Variants in GRID1 observed in about 807,000 individuals in gnomAD.
GRID1 encodes the protein glutamate receptor ionotropic, delta-1.
In GRID1, 28 loss-of-function variants were observed where a neutral mutation model predicts 98.0. The ratio of observed to expected loss-of-function variants is 0.29; its 90% CI spans 0.21 to 0.39. The LOEUF (loss-of-function observed/expected upper bound fraction) is 0.39, where lower values mean the gene tolerates loss of function less well. Ranked by LOEUF, GRID1 falls within the 10% of genes least tolerant of loss-of-function variation. The pLI, the probability that GRID1 is intolerant of heterozygous loss-of-function variation, is 1.00. For synonymous variants in GRID1, 553 were observed against 538.5 expected, an observed-to-expected ratio of 1.03 and a Z score of -0.37; for missense variants, 1,111 against 1,340.5, an observed-to-expected ratio of 0.83 and a Z score of 2.67.
rs540766250 is a variant in GRID1, at chr10:85,901,361, C to T, written c.780+14825G>A. ...TCATGGGTTCACGCCATTCTCCCACCTCAGCCTCCCGAGTAGCTGGGACTA... is the reference window on the plus strand; with the variant it reads ...TCATGGGTTCACGCCATTCTCCCACTTCAGCCTCCCGAGTAGCTGGGACTA... On this transcript the variant is annotated intron_variant, in intron 5 of 15. Transcript: ENST00000327946. Among the ~76,000 whole-genome samples the T allele has an allele frequency of 3.3e-5, 5 of 152,150 alleles. No homozygotes were observed. In the South Asian group the frequency reaches 8.3e-4, roughly 25 times the overall value.
intron 5 of GRID1, among the ~76,000 whole-genome samples, chr10:85,882,773 A>C (rs1841052570): frequency 6.6e-6 from 1 of 151,628 alleles, no homozygotes; most frequent in African/African-American, 2.4e-5. Context: ...AAAGTGTAAT[A>C]ATAATAATAT....
chr10:85,926,733 G>A (rs541901123), intron 4 of GRID1, among the ~76,000 whole-genome samples: 1 of 152,296 alleles, frequency 6.6e-6, no homozygotes, highest in Admixed American at 6.5e-5. Context: ...GGCTTCTAAG[G>A]AGACAGTGTG....
chr10:85,708,308 G>T lies in GRID1; in HGVS notation c.1997+14695C>A, dbSNP rs533369559. Among the ~76,000 whole-genome samples the T allele has an allele frequency of 5.4e-4, 82 of 151,998 alleles. 1 individual carries two copies. In the South Asian group the frequency reaches 5.8e-3, roughly 11 times the overall value. On this transcript the variant is annotated intron_variant, in intron 12 of 15. Transcript: ENST00000327946. ...AGTCCTAGCTACTCGGGAGGCTGAG[G>T]CAGGAGAATGGCGTGAGCCCAGGAG...
chr10:86,245,466 GC>G (rs1417516543), intron 2 of GRID1, among the ~76,000 whole-genome samples: 4 of 13,176 alleles, frequency 3.0e-4, no homozygotes, highest in African/African-American at 6.6e-4. Context: ...TCTACCATTC[GC>G]TTTACTCCAT....
intron 4 of GRID1, among the ~76,000 whole-genome samples, chr10:86,126,492 C>T (rs550613159): frequency 2.0e-5 from 3 of 152,062 alleles, no homozygotes; most frequent in Non-Finnish European, 4.4e-5. Context: ...AATAGGAACT[C>T]CTAGGACCAC....
intron 2 of GRID1, among the ~76,000 whole-genome samples, chr10:86,250,460 G>A (rs117824019): frequency 0.04 from 6,031 of 152,374 alleles, 237 homozygotes; most frequent in Admixed American, 0.11. Context: ...AATGGTCTCA[G>A]TAAGCAGCAG....
At chr10:85,706,417 A>G (rs1390755534) in intron 12 of GRID1, among the ~76,000 whole-genome samples, 1 of 152,216 alleles carries the variant, frequency 6.6e-6, no homozygotes, top group East Asian at 1.9e-4. Context: ...GATGTGAAGG[A>G]CCTCTTCAGG....
intron 3 of GRID1, among the ~76,000 whole-genome samples, chr10:86,175,365 A>G (rs1232757379): frequency 6.6e-6 from 1 of 151,642 alleles, no homozygotes; most frequent in African/African-American, 2.4e-5. Context: ...AGACTCCAAG[A>G]AAGTGGTGGC....
intron 6 of GRID1, among the ~76,000 whole-genome samples, chr10:85,865,928 T>TATATATATATAC (rs1554836187): frequency 1.8e-5 from 2 of 114,198 alleles, no homozygotes; most frequent in Admixed American, 1.0e-4. Flanking sequence ...TATATATATA[T>TATATATATATAC]ATATATATAT....
At chr10:85,645,740 A>C (rs1843178919) in intron 13 of GRID1, 1 of 152,232 alleles carries the variant, frequency 6.6e-6, no homozygotes, top group Non-Finnish European at 1.5e-5. Context: ...TCTGCTGTTC[A>C]ATGTGGCTAA....
intron 2 of GRID1, among the ~76,000 whole-genome samples, chr10:86,289,732 A>T (rs1434557008): frequency 2.6e-5 from 4 of 152,250 alleles, no homozygotes; most frequent in South Asian, 4.2e-4. Flanking sequence ...GGCCAGACAC[A>T]GTGGCAGCCC....
intron 8 of GRID1, among the ~76,000 whole-genome samples, chr10:85,809,623 A>G (rs937366170): frequency 3.9e-5 from 6 of 152,240 alleles, no homozygotes; most frequent in African/African-American, 1.4e-4. Flanking sequence ...TCTCCTTATA[A>G]AAAAGGACCA....
At chr10:85,823,455 AT>A (rs1324311172) in intron 8 of GRID1, among the ~76,000 whole-genome samples, 1 of 152,076 alleles carries the variant, frequency 6.6e-6, no homozygotes, top group East Asian at 1.9e-4. Context: ...AAAATTAAAA[AT>A]GCATAATGAC....
intron 3 of GRID1, among the ~76,000 whole-genome samples, chr10:86,145,563 C>T (rs72835282): frequency 1.2e-5 from 1 of 81,856 alleles, no homozygotes; most frequent in East Asian, 2.7e-4. Context: ...CACACACACA[C>T]ACACACACCC....
intron 4 of GRID1, among the ~76,000 whole-genome samples, chr10:85,966,168 G>C (rs1002733551): frequency 1.3e-5 from 2 of 152,188 alleles, no homozygotes; most frequent in African/African-American, 2.4e-5. Flanking sequence ...CCTGTCCTTA[G>C]AGCACTTGTT....
At chr10:85,786,476 C>A (rs1368672629) in intron 8 of GRID1, among the ~76,000 whole-genome samples, 1 of 152,198 alleles carries the variant, frequency 6.6e-6, no homozygotes, top group Non-Finnish European at 1.5e-5. Context: ...CCCCTGCAGG[C>A]ATGCCGGACT....
chr10:85,893,461 A>T (rs1162701183), intron 5 of GRID1, among the ~76,000 whole-genome samples: 1 of 152,168 alleles, frequency 6.6e-6, no homozygotes, highest in African/African-American at 2.4e-5. Context: ...CAGGGATGGC[A>T]TGATAGTCTA....
rs566027106 is a variant in GRID1, at chr10:85,760,857, C to G, written c.1234-31243G>C. ...TAAAATGTTGTTGCCAGAGCATCAG[C>G]AGGGCCATCAAACTTTACCCAAAGC... On this transcript the variant is annotated intron_variant, in intron 8 of 15. Coordinates refer to ENST00000327946, the MANE Select transcript of GRID1 (RefSeq NM_017551.3). 1.1e-4 allele frequency among the ~76,000 whole-genome samples: 17 copies of G among 152,292 alleles called. No homozygotes were observed. In the East Asian group the frequency reaches 1.5e-3, roughly 14 times the overall value.
intron 12 of GRID1, among the ~76,000 whole-genome samples, chr10:85,702,140 A>T (rs1023629403): frequency 6.6e-6 from 1 of 152,166 alleles, no homozygotes; most frequent in South Asian, 2.1e-4. Flanking sequence ...CCAAAATTTT[A>T]AAAATACTAT....
Sources: allele counts gnomAD v4.1 joint callset (sites outside exome capture counted in the v4.1 genomes callset), GRCh38; gene constraint gnomAD v4.1.1; transcripts MANE v1.5; gene names NCBI Gene and HGNC (gene_info 2026-07-23, HGNC 2026-07-21).